Variants in SLC39A11 observed in about 807,000 individuals in gnomAD.
The protein encoded by SLC39A11 is solute carrier family 39 member 11, also known as zinc transporter ZIP11.
Under a neutral mutation model 36.1 loss-of-function variants are expected in SLC39A11, and 33 were observed. That is an observed-to-expected ratio of 0.91 (90% CI 0.69 to 1.22). The LOEUF is 1.22. Ranked by LOEUF, SLC39A11 falls within the 50% of genes most tolerant of loss-of-function variation. The pLI is 0.00. For missense variants in SLC39A11, 432 were observed against 430.3 expected, an observed-to-expected ratio of 1.00 and a Z score of -0.03; for synonymous variants, 166 against 170.3, an observed-to-expected ratio of 0.97 and a Z score of 0.20.
chr17:72,737,284 A>T (rs538953593), intron 6 of SLC39A11, among the ~76,000 whole-genome samples: 4 of 152,016 alleles, frequency 2.6e-5, no homozygotes, highest in East Asian at 1.9e-4. Context: ...TCAAAAAAAA[A>T]AAAATAAAAA....
Position 73,084,808 on chromosome 17 carries a change from C to T in SLC39A11, c.147G>A (p.Gly49=), listed in dbSNP as rs1477786270. Residue 49 remains glycine, a splice_region_variant and synonymous_variant, in exon 3 of 10, where the codon GGG becomes GGA. Coordinates refer to ENST00000255559, the MANE Select transcript of SLC39A11 (RefSeq NM_139177.4). ...ILDGSLGFAA[G]VMLAASYWSL... is the part of the protein sequence containing the mutation. ...ATTTCTCCTACTACATGCTACTTAC[C>T]CCTGCAGCAAAGCCAAGACTTCCAT... 52 of 1,613,864 alleles carry T rather than the reference C, an allele frequency of 3.2e-5. No individual in the cohort carries two copies. Among genetic ancestry groups the T allele is most frequent in the Non-Finnish European group, 4.2e-5 (49 of 1,179,938 alleles).
chr17:72,953,221 TGGGG>T (rs1284070619), intron 4 of SLC39A11, among the ~76,000 whole-genome samples: 1 of 151,880 alleles, frequency 6.6e-6, no homozygotes, highest in Non-Finnish European at 1.5e-5. Context: ...TTCTTCTTGG[TGGGG>T]GGCCAATCCC....
intron 6 of SLC39A11, among the ~76,000 whole-genome samples, chr17:72,753,889 CAAAAAAA>C (rs35076559): frequency 1.9e-4 from 10 of 51,934 alleles, no homozygotes; most frequent in East Asian, 1.8e-3. Context: ...AGTCATTATA[CAAAAAAA>C]AAAAAAAAAA....
intron 4 of SLC39A11, among the ~76,000 whole-genome samples, chr17:73,017,511 G>A (rs1171864796): frequency 6.6e-5 from 10 of 152,104 alleles, no homozygotes; most frequent in East Asian, 3.9e-4. Flanking sequence ...TTAGGAGTTC[G>A]AGACCAGCCT....
At chr17:72,950,672 AAGG>A (rs773986352) in intron 4 of SLC39A11, among the ~76,000 whole-genome samples, 11 of 152,240 alleles carry the variant, frequency 7.2e-5, no homozygotes, top group Non-Finnish European at 1.6e-4. Context: ...GAAGGAATAA[AAGG>A]AGAACCATTT....
intron 4 of SLC39A11, among the ~76,000 whole-genome samples, chr17:72,995,854 C>T (rs1460291043): frequency 6.6e-6 from 1 of 152,150 alleles, no homozygotes; most frequent in East Asian, 1.9e-4. Context: ...AATAAATCCT[C>T]CCCCCGCCCA....
chr17:73,037,399 T>A (rs1272342724), intron 3 of SLC39A11, among the ~76,000 whole-genome samples: 17 of 152,242 alleles, frequency 1.1e-4, no homozygotes, highest in Non-Finnish European at 2.5e-4. Flanking sequence ...AACTAGCTGG[T>A]GCAGGAATAG....
Position 72,801,584 on chromosome 17 carries a change from T to G in SLC39A11, c.601+48050A>C, listed in dbSNP as rs144749160. 1.7e-3 allele frequency among the ~76,000 whole-genome samples: 263 copies of G among 152,364 alleles called. 3 individuals are homozygous for G. The highest frequency in any genetic ancestry group is 6.8e-3 in the Middle Eastern group (2 of 294). On this transcript the variant is annotated intron_variant, in intron 6 of 9. Transcript: ENST00000255559. ...GATGGCTGCACAATTTTGAATATAC[T>G]AAAAGCCATGGAATTGCACATTGTA...
intron 5 of SLC39A11, among the ~76,000 whole-genome samples, chr17:72,892,326 C>T (rs1237125698): frequency 2.0e-5 from 3 of 150,490 alleles, no homozygotes; most frequent in Admixed American, 1.3e-4. Flanking sequence ...AGGAGAATTG[C>T]TTGAACTCAG....
intron 3 of SLC39A11, among the ~76,000 whole-genome samples, chr17:73,040,108 T>C (rs2059059691): frequency 6.6e-6 from 1 of 152,234 alleles, no homozygotes; most frequent in South Asian, 2.1e-4. Context: ...TGATAGAAAC[T>C]ACTCCAAGAA....
chr17:72,861,765 T>C (rs1267366536), intron 5 of SLC39A11, among the ~76,000 whole-genome samples: 1 of 113,552 alleles, frequency 8.8e-6, no homozygotes, highest in Non-Finnish European at 1.8e-5. Flanking sequence ...TATATATATA[T>C]ATATATATAT....
intron 2 of SLC39A11, among the ~76,000 whole-genome samples, chr17:73,086,359 T>A (rs2144852464): frequency 6.6e-6 from 1 of 152,188 alleles, no homozygotes; most frequent in South Asian, 2.1e-4. Context: ...TTTTGCTATC[T>A]ATCCATAGAT....
intron 4 of SLC39A11, among the ~76,000 whole-genome samples, chr17:72,974,431 C>CAA (rs35927526): frequency 0.045 from 5,919 of 132,218 alleles, 202 homozygotes; most frequent in Non-Finnish European, 0.054. Flanking sequence ...CATTTTGTAC[C>CAA]AAAAAAAAAA....
chr17:72,824,197 G>A (rs1372960051), intron 6 of SLC39A11, among the ~76,000 whole-genome samples: 1 of 151,008 alleles, frequency 6.6e-6, no homozygotes, highest in Non-Finnish European at 1.5e-5. Context: ...CTGTTGTCAT[G>A]ATAGTGAATA....
At position 72,882,799 on chromosome 17, in the gene SLC39A11, T is replaced by TTTTTTTTTTTCTTTTTC. The variant is rs1214882869; in HGVS notation, c.431-32996_431-32995insGAAAAAGAAAAAAAAAA. Among the ~76,000 whole-genome samples the TTTTTTTTTTTCTTTTTC allele has an allele frequency of 6.8e-3, 592 of 87,406 alleles. 12 individuals are homozygous for TTTTTTTTTTTCTTTTTC. Among genetic ancestry groups the TTTTTTTTTTTCTTTTTC allele is most frequent in the East Asian group, 0.026 (32 of 1,208 alleles). The allele number at this position is 87,406 out of a possible 152,430, so 57.3% of individuals were successfully genotyped here. A position where few individuals can be genotyped will look rare whatever the true frequency, so the allele number is the denominator to read the frequency against. On this transcript the variant is annotated intron_variant, in intron 5 of 9. Coordinates refer to ENST00000255559, the MANE Select transcript of SLC39A11 (RefSeq NM_139177.4). ...TGCTTGAGGGAGAGAGAATGCTTCT[T>TTTTTTTTTTTCTTTTTC]TTTTTTTTTTTTTTTGAGATGGAGT...
intron 4 of SLC39A11, among the ~76,000 whole-genome samples, chr17:72,988,084 G>A (rs888261945): frequency 2.4e-4 from 36 of 152,160 alleles, no homozygotes; most frequent in African/African-American, 8.4e-4. Flanking sequence ...AGCACATCAT[G>A]GAGAATGCGA....
At chr17:73,079,932 A>C (rs2060458167) in intron 3 of SLC39A11, among the ~76,000 whole-genome samples, 1 of 152,186 alleles carries the variant, frequency 6.6e-6, no homozygotes, top group African/African-American at 2.4e-5. Context: ...TTAGGAATAC[A>C]CCTAACCAAG....
intron 4 of SLC39A11, among the ~76,000 whole-genome samples, chr17:72,991,104 T>G (rs755667648): frequency 8.5e-5 from 13 of 152,218 alleles, no homozygotes; most frequent in Non-Finnish European, 1.2e-4. Context: ...CCATATTTGA[T>G]TCAGATTTTT....
At chr17:72,796,265 G>A (rs1466338210) in intron 6 of SLC39A11, among the ~76,000 whole-genome samples, 1 of 152,082 alleles carries the variant, frequency 6.6e-6, no homozygotes, top group Non-Finnish European at 1.5e-5. Context: ...TTTATCAAGC[G>A]AGGCTTCTCT....
Sources: allele counts gnomAD v4.1 joint callset (sites outside exome capture counted in the v4.1 genomes callset), GRCh38; gene constraint gnomAD v4.1.1; transcripts MANE v1.5; gene names NCBI Gene and HGNC (gene_info 2026-07-23, HGNC 2026-07-21).